Variants in KSR2 observed in about 807,000 individuals in gnomAD.
KSR2 encodes the protein kinase suppressor of ras 2.
In KSR2, 25 loss-of-function variants were observed where a neutral mutation model predicts 107.8. The observed-to-expected ratio is 0.23, with a 90% CI of 0.17 to 0.32. The LOEUF is 0.32. Among genes scored for constraint, KSR2 ranks in the 10% least tolerant of loss-of-function variants. KSR2 has a pLI of 1.00. For missense variants in KSR2, 887 were observed against 1,268.9 expected (o/e 0.70, Z 4.57); for synonymous variants, 480 against 507.0 (o/e 0.95, Z 0.71).
chr12:117,856,271 A>C (rs897109577), intron 2 of KSR2, among the ~76,000 whole-genome samples: 2 of 152,218 alleles, frequency 1.3e-5, no homozygotes, highest in Non-Finnish European at 2.9e-5. Flanking sequence ...CGTGTTGGGC[A>C]GGTGAACTTT....
At chr12:117,491,206 GT>G (rs1373447588) in intron 14 of KSR2, among the ~76,000 whole-genome samples, 1 of 152,152 alleles carries the variant, frequency 6.6e-6, no homozygotes, top group Non-Finnish European at 1.5e-5. Flanking sequence ...TTGAGATGGA[GT>G]CTCACTGTGT....
rs1167889237 is a variant in KSR2, at chr12:117,616,557, C to T, written c.1172-34198G>A. On this transcript the variant is annotated intron_variant, in intron 5 of 19. Coordinates refer to ENST00000339824, the MANE Select transcript of KSR2 (RefSeq NM_173598.6). ...AAAATCACTCTCTCCTTGGGGTCAGCCCACTACTAAATACTGGTCAGTGAG... is the reference window on the plus strand; with the variant it reads ...AAAATCACTCTCTCCTTGGGGTCAGTCCACTACTAAATACTGGTCAGTGAG... Among the ~76,000 whole-genome samples, 10 of 152,148 alleles carry T rather than the reference C, an allele frequency of 6.6e-5. 1 individual carries two copies. The highest frequency in any genetic ancestry group is 6.6e-4 in the Admixed American group (10 of 15,266).
At chr12:117,781,593 G>A (rs1889891150) in intron 3 of KSR2, among the ~76,000 whole-genome samples, 1 of 152,230 alleles carries the variant, frequency 6.6e-6, no homozygotes, top group Non-Finnish European at 1.5e-5. Flanking sequence ...CACTGCATTT[G>A]AGTTGTAAAC....
chr12:117,527,137 T>C lies in KSR2; in HGVS notation c.1803-18A>G. 1 of 1,600,930 alleles carries C rather than the reference T, an allele frequency of 6.2e-7. No individual in the cohort carries two copies. The highest frequency in any genetic ancestry group is 8.6e-7 in the Non-Finnish European group (1 of 1,168,146). On this transcript the variant is annotated intron_variant, in intron 12 of 19. Transcript: ENST00000339824. ...CTTCCAAGCTGTAAAGAAAGAAAAA[T>C]AAACGTGATCCCTAGGTGAAAAGGC...
intron 3 of KSR2, among the ~76,000 whole-genome samples, chr12:117,768,722 G>A (rs1478087022): frequency 2.6e-5 from 4 of 152,118 alleles, no homozygotes; most frequent in African/African-American, 9.7e-5. Context: ...TATATTAGAA[G>A]AGAAAAAAGG....
chr12:117,496,347 C>T (rs749966197), intron 14 of KSR2, among the ~76,000 whole-genome samples: 1 of 152,174 alleles, frequency 6.6e-6, no homozygotes, highest in African/African-American at 2.4e-5. Flanking sequence ...TTGTGGGGTC[C>T]AGCCTGGGAC....
chr12:117,742,270 C>T (rs1217694481), intron 4 of KSR2, among the ~76,000 whole-genome samples: 1 of 152,184 alleles, frequency 6.6e-6, no homozygotes, highest in Non-Finnish European at 1.5e-5. Flanking sequence ...ATTTTTCTTT[C>T]ACTATCAAGG....
At chr12:117,909,748 CA>C (rs111696436) in intron 1 of KSR2, among the ~76,000 whole-genome samples, 73,636 of 141,946 alleles carry the variant, frequency 0.52, 20,601 homozygotes, top group East Asian at 0.88. Flanking sequence ...ACTAAAAATA[CA>C]AAAAAAAAAA....
At chr12:117,623,130 T>C (rs1882281186) in intron 5 of KSR2, among the ~76,000 whole-genome samples, 1 of 152,266 alleles carries the variant, frequency 6.6e-6, no homozygotes, top group Non-Finnish European at 1.5e-5. Flanking sequence ...TTTGATAATG[T>C]GCTTCGCACA....
chr12:117,952,538 T>C (rs2137574995), intron 1 of KSR2, among the ~76,000 whole-genome samples: 1 of 151,876 alleles, frequency 6.6e-6, no homozygotes, highest in South Asian at 2.1e-4. Context: ...TAGCCAGGTG[T>C]GGTGGCATGT....
chr12:117,459,555 G>C lies in KSR2; in HGVS notation c.*7644C>G, dbSNP rs1870790606. 1 of 152,226 alleles carries C rather than the reference G, an allele frequency of 6.6e-6. No homozygotes were observed. The highest frequency in any genetic ancestry group is 6.5e-5 in the Admixed American group (1 of 15,284). 9.4% of individuals were successfully genotyped at this position (152,226 alleles called of 1,614,324 possible). ...CTTGGACCAGATCTTTATCCTTCTA[G>C]ATCTTAGAGGTCCTTCTAGATCACC... is the stretch of plus-strand genomic sequence containing the variant. On this transcript the variant is annotated 3_prime_UTR_variant, in exon 20 of 20. Transcript: ENST00000339824.
intron 5 of KSR2, among the ~76,000 whole-genome samples, chr12:117,605,076 T>C (rs1434292049): frequency 6.6e-6 from 1 of 152,206 alleles, no homozygotes; most frequent in Admixed American, 6.5e-5. Flanking sequence ...CTTGTAATCA[T>C]GTTTGTGGCT....
intron 4 of KSR2, among the ~76,000 whole-genome samples, chr12:117,684,949 G>A (rs1885509458): frequency 1.3e-5 from 2 of 152,190 alleles, no homozygotes; most frequent in Non-Finnish European, 2.9e-5. Flanking sequence ...TGTGCAAACA[G>A]GTTGTCAATT....
At chr12:117,848,841 G>GTGGTGGTGATGGTGA (rs1555249536) in intron 3 of KSR2, among the ~76,000 whole-genome samples, 7 of 141,778 alleles carry the variant, frequency 4.9e-5, no homozygotes, top group South Asian at 4.9e-4. Flanking sequence ...GGTAGTGGTG[G>GTGGTGGTGATGGTGA]TGATGGTGAT....
rs980311611 is a variant in KSR2, at chr12:117,842,306, T to C, written c.472+13122A>G. 1.3e-5 allele frequency among the ~76,000 whole-genome samples: 2 copies of C among 152,280 alleles called. No individual in the cohort carries two copies. Among genetic ancestry groups the C allele is most frequent in the African/African-American group, 4.8e-5 (2 of 41,554 alleles). On this transcript the variant is annotated intron_variant, in intron 3 of 19. Coordinates refer to ENST00000339824, the MANE Select transcript of KSR2 (RefSeq NM_173598.6). This position sits in a 1 kb window ranked among gnomAD's most constrained non-coding sequence, Gnocchi z 4.2. ...GACTCTGAGAAGCTGGCAGTTGGGCTGAGTCCAAAATGACAAGGAATCAGC... is the reference window on the plus strand; with the variant it reads ...GACTCTGAGAAGCTGGCAGTTGGGCCGAGTCCAAAATGACAAGGAATCAGC...
chr12:117,618,585 G>A (rs1882007984), intron 5 of KSR2, among the ~76,000 whole-genome samples: 1 of 152,034 alleles, frequency 6.6e-6, no homozygotes, highest in Non-Finnish European at 1.5e-5. Flanking sequence ...TGTTGTGGGA[G>A]GGACCCAGTA....
intron 4 of KSR2, among the ~76,000 whole-genome samples, chr12:117,731,321 C>CATGCGGGAGGGA (rs1565984108): frequency 6.7e-6 from 1 of 150,024 alleles, no homozygotes; most frequent in African/African-American, 2.5e-5. Flanking sequence ...GCAGCCGCCC[C>CATGCGGGAGGGA]GTCTGAGAAG....
At chr12:117,802,739 T>C (rs1438516881) in intron 3 of KSR2, among the ~76,000 whole-genome samples, 2 of 151,432 alleles carry the variant, frequency 1.3e-5, no homozygotes, top group Non-Finnish European at 2.9e-5. Flanking sequence ...TCCCCACAGA[T>C]ACCCCAGTAG....
At chr12:117,920,736 C>G (rs1270557097) in intron 1 of KSR2, among the ~76,000 whole-genome samples, 1 of 152,040 alleles carries the variant, frequency 6.6e-6, no homozygotes, top group Non-Finnish European at 1.5e-5. Context: ...AAACTCAGTG[C>G]CTAGGGTAGA....
Sources: gnomAD v4.1 joint callset for allele counts (sites outside exome capture counted in the v4.1 genomes callset) on GRCh38, gnomAD v4.1.1 for gene constraint, Gnocchi (gnomAD v3.1) non-coding constraint, MANE v1.5 for transcripts, NCBI Gene and HGNC (gene_info 2026-07-23, HGNC 2026-07-21) for gene names.